Variants in SLC38A9 observed in about 807,000 individuals in gnomAD.
SLC38A9 encodes neutral amino acid transporter 9.
SLC38A9 carries 48 observed loss-of-function variants against 62.3 expected under a neutral mutation model. The observed-to-expected ratio is 0.77, with a 90% CI of 0.61 to 0.98. SLC38A9 has a LOEUF of 0.98. SLC38A9 is among the 50% of genes least tolerant of loss of function. The probability of loss-of-function intolerance (pLI) is 0.00; values close to 1 mark genes in which losing one functional copy is unlikely to be tolerated. For synonymous variants in SLC38A9, 204 were observed against 227.7 expected (o/e 0.90, Z 0.94); for missense variants, 541 against 679.8 (o/e 0.80, Z 2.27).
intron 10 of SLC38A9, among the ~76,000 whole-genome samples, chr5:55,651,768 T>C (rs1419254688): frequency 6.6e-6 from 1 of 152,130 alleles, no homozygotes; most frequent in Non-Finnish European, 1.5e-5. Flanking sequence ...TCTTAGAGAC[T>C]GTAGGAAAAA....
At chr5:55,676,730 A>G (rs974444184) in intron 3 of SLC38A9, among the ~76,000 whole-genome samples, 15 of 152,206 alleles carry the variant, frequency 9.9e-5, no homozygotes, top group African/African-American at 3.6e-4. Flanking sequence ...ATAGGTGTCA[A>G]TAGTATGCTA....
intron 2 of SLC38A9, among the ~76,000 whole-genome samples, 192 bp from the exon 3 acceptor site, chr5:55,698,184 T>TA (rs1307607572): frequency 1.3e-5 from 2 of 152,180 alleles, no homozygotes; most frequent in Non-Finnish European, 2.9e-5. Flanking sequence ...TTCAGCTTAC[T>TA]AAAAAATAAG....
In SLC38A9 at chr5:55,635,721, G is replaced by A. The variant is rs1561306491; in HGVS notation, c.1168-64C>T. 21 of 1,018,484 alleles carry A rather than the reference G, an allele frequency of 2.1e-5. No homozygotes were observed. The East Asian group carries it at 4.8e-4, about 23-fold the overall frequency. The allele number at this position is 1,018,484 out of a possible 1,614,324, so 63.1% of individuals were successfully genotyped here. A position where few individuals can be genotyped will look rare whatever the true frequency, so the allele number is the denominator to read the frequency against. ...CCTTGTAGTAAGTCTACCTTAATAG[G>A]CTAAGGAGACTAACAAATAAATATA... On this transcript the variant is annotated intron_variant, in intron 12 of 15. Coordinates refer to ENST00000396865, the MANE Select transcript of SLC38A9 (RefSeq NM_173514.4).
rs1301462264 is a variant in SLC38A9 at position 55,656,740 on chromosome 5, T to C, written c.732A>G (p.Ile244Met). 1 of 1,596,794 alleles carries C rather than the reference T, an allele frequency of 6.3e-7. No individual in the cohort carries two copies. Among genetic ancestry groups the C allele is most frequent in the Non-Finnish European group, 8.6e-7 (1 of 1,166,924 alleles). The change falls in exon 9 of 16, where the codon ATA (isoleucine) becomes ATG (methionine). Residue 244 changes from isoleucine (I) to methionine (M), a missense_variant. Physicochemically the swap from Ile to Met is conservative, Grantham distance 10. Transcript: ENST00000396865. Reference sequence around the variant, plus strand: ...CAGGGTTGCTATTATTGGTACTCAGTATAGTGTCTGTGTCATTAATGTGAT... The same window carrying C: ...CAGGGTTGCTATTATTGGTACTCAGCATAGTGTCTGTGTCATTAATGTGAT... ...FIHHINDTDT[I>M]LSTNNSNPVI...
At position 55,672,714 on chromosome 5, in the gene SLC38A9, C is replaced by T. The variant is rs371544983; in HGVS notation, c.114-19G>A. On this transcript the variant is annotated intron_variant, in intron 3 of 15. Transcript: ENST00000396865. ...GAAAGGCCTACAAAGGGAATATACA[C>T]TTGACAAAAAGTGTTCAGCCAAAAA... is the stretch of plus-strand genomic sequence containing the variant. 1 of 1,596,664 alleles carries T rather than the reference C, an allele frequency of 6.3e-7. No individual in the cohort carries two copies. Among genetic ancestry groups the T allele is most frequent in the African/African-American group, 1.3e-5 (1 of 74,124 alleles).
chr5:55,645,282 T>G (rs569648754), intron 12 of SLC38A9, among the ~76,000 whole-genome samples: 1 of 152,302 alleles, frequency 6.6e-6, no homozygotes, highest in East Asian at 1.9e-4. Context: ...CTCGAATTCC[T>G]GGGCTCAAGT....
At chr5:55,708,815 T>C (rs1757630147) in intron 2 of SLC38A9, among the ~76,000 whole-genome samples, 2 of 152,262 alleles carry the variant, frequency 1.3e-5, no homozygotes, top group African/African-American at 4.8e-5. Flanking sequence ...ATTCTACCTG[T>C]TAGCATGAAA....
chr5:55,651,246 A>ATTTTTTTTTTTTTTTTTTTTTTTTTTTTT (rs1371252740), intron 10 of SLC38A9, among the ~76,000 whole-genome samples: 1 of 114,100 alleles, frequency 8.8e-6, no homozygotes, highest in Admixed American at 9.8e-5. Flanking sequence ...TCCTTTTGCC[A>ATTTTTTTTTTTTTTTTTTTTTTTTTTTTT]TCTTTTTTTT....
At chr5:55,631,907 A>G (rs1191082535) in intron 14 of SLC38A9, among the ~76,000 whole-genome samples, 1 of 152,110 alleles carries the variant, frequency 6.6e-6, no homozygotes, top group African/African-American at 2.4e-5. Flanking sequence ...AAGGTCCACA[A>G]GAAGGCTGCT....
At chr5:55,666,881 G>C (rs1750560008) in intron 7 of SLC38A9, among the ~76,000 whole-genome samples, 1 of 146,152 alleles carries the variant, frequency 6.8e-6, no homozygotes, top group South Asian at 2.2e-4. Context: ...CGGGCGTGGT[G>C]GTGGGTGCCT....
At position 55,649,204 on chromosome 5, in the gene SLC38A9, C is replaced by T; in HGVS notation, c.1060+3G>A. ...TAATTTATTATTTTGCCAAAAAGCT[C>T]ACCTGGTACAAAAAATTCTGTTGGT... On this transcript the variant is annotated splice_donor_region_variant and intron_variant, in intron 11 of 15. Transcript: ENST00000396865. 1 of 1,557,036 alleles carries T rather than the reference C, an allele frequency of 6.4e-7. No homozygotes were observed. Among genetic ancestry groups the T allele is most frequent in the Non-Finnish European group, 8.7e-7 (1 of 1,143,924 alleles).
intron 2 of SLC38A9, among the ~76,000 whole-genome samples, chr5:55,698,958 C>T (rs1374489736): frequency 1.4e-5 from 2 of 147,600 alleles, no homozygotes; most frequent in African/African-American, 5.0e-5. Flanking sequence ...CAAAAAACAA[C>T]AAAAAAACAA....
rs185831830 is a variant in SLC38A9, at chr5:55,685,656, C to T, written c.113+12190G>A. 2.4e-3 allele frequency among the ~76,000 whole-genome samples: 371 copies of T among 152,096 alleles called. 4 individuals carry two copies. Among genetic ancestry groups the T allele is most frequent in the Non-Finnish European group, 4.4e-3 (297 of 67,992 alleles). On this transcript the variant is annotated intron_variant, in intron 3 of 15. Transcript: ENST00000396865. ...TTTAACTTTTAAGTTCAGGGTTACA[C>T]GTGCAGGATGTGCCTATGTACATAG...
At chr5:55,698,185 A>G (rs3761768) in intron 2 of SLC38A9, among the ~76,000 whole-genome samples, 193 bp from the exon 3 acceptor site, 1 of 152,216 alleles carries the variant, frequency 6.6e-6, no homozygotes, top group East Asian at 1.9e-4. Context: ...TCAGCTTACT[A>G]AAAAATAAGT....
chr5:55,656,713 A>C lies in SLC38A9; in HGVS notation c.757+2T>G. 6.3e-7 allele frequency: 1 copy of C among 1,596,498 alleles called. No individual in the cohort carries two copies. The highest frequency in any genetic ancestry group is 1.7e-4 in the Middle Eastern group (1 of 6,004). ...AAACAAACAACATCCCAAACTACTT[A>C]CCAGGGTTGCTATTATTGGTACTCA... On this transcript the variant is annotated splice_donor_variant, in intron 9 of 15. Transcript: ENST00000396865. LOFTEE classifies it high-confidence loss of function.
intron 3 of SLC38A9, chr5:55,692,913 C>T (rs1301540798): frequency 2.0e-6 from 2 of 979,516 alleles, no homozygotes; most frequent in Non-Finnish European, 2.4e-6. Context: ...CTGATGGCCA[C>T]TATAAATGAC....
intron 3 of SLC38A9, among the ~76,000 whole-genome samples, chr5:55,682,967 G>A (rs1030223358): frequency 7.4e-5 from 11 of 149,378 alleles, no homozygotes; most frequent in Admixed American, 7.3e-4. Context: ...AGGCAGGCAG[G>A]CAGAGGAGGA....
chr5:55,666,034 T>C (rs1466685935), intron 7 of SLC38A9, among the ~76,000 whole-genome samples: 1 of 152,112 alleles, frequency 6.6e-6, no homozygotes, highest in Non-Finnish European at 1.5e-5. Context: ...ACATAAGACC[T>C]AGGGCAATGA....
chr5:55,662,437 T>A (rs1289312452), intron 8 of SLC38A9, among the ~76,000 whole-genome samples: 2 of 152,026 alleles, frequency 1.3e-5, no homozygotes, highest in African/African-American at 4.8e-5. Flanking sequence ...TTTGGGAGGC[T>A]GAGGTGGGCG....
Sources: allele counts gnomAD v4.1 joint callset (sites outside exome capture counted in the v4.1 genomes callset), GRCh38; gene constraint gnomAD v4.1.1; transcripts MANE v1.5; gene names NCBI Gene and HGNC (gene_info 2026-07-23, HGNC 2026-07-21).